Variants in LRRFIP1 observed in about 807,000 individuals in gnomAD.
LRRFIP1 encodes the protein LRR binding FLII interacting protein 1, also known as leucine-rich repeat flightless-interacting protein 1.
LRRFIP1 carries 62 observed loss-of-function variants against 104.4 expected under a neutral mutation model. The ratio of observed to expected loss-of-function variants is 0.59; its 90% CI spans 0.48 to 0.73. LRRFIP1 has a LOEUF of 0.73. Among genes scored for constraint, LRRFIP1 ranks in the 30% least tolerant of loss-of-function variants. The pLI is 0.00. For missense variants in LRRFIP1, 796 were observed against 824.5 expected (o/e 0.97, Z 0.42); for synonymous variants, 300 against 299.0 (o/e 1.00, Z -0.03).
At chr2:237,767,900 G>C (rs1189680115) in intron 19 of LRRFIP1, among the ~76,000 whole-genome samples, 3 of 152,214 alleles carry the variant, frequency 2.0e-5, no homozygotes, top group African/African-American at 7.2e-5. Flanking sequence ...ATTATGTTCA[G>C]AATATGTACT....
chr2:237,760,540 T>A (rs1030060745), intron 19 of LRRFIP1, among the ~76,000 whole-genome samples: 4 of 152,266 alleles, frequency 2.6e-5, no homozygotes, highest in Admixed American at 2.6e-4. Context: ...CTCAGACACA[T>A]ATATATCTGT....
chr2:237,765,860 T>C, intron 19 of LRRFIP1: 1 of 979,392 alleles, frequency 1.0e-6, no homozygotes, highest in Non-Finnish European at 1.2e-6. Context: ...CTCAATAAAA[T>C]TTGAGGAAAA....
chr2:237,745,094 C>T (rs56125005), intron 11 of LRRFIP1, among the ~76,000 whole-genome samples: 4,857 of 152,286 alleles, frequency 0.032, 93 homozygotes, highest in Middle Eastern at 0.12. Flanking sequence ...GATTCCTTAC[C>T]TGGCTCTGCT....
intron 1 of LRRFIP1, among the ~76,000 whole-genome samples, chr2:237,689,529 G>T (rs528916767): frequency 3.3e-5 from 5 of 152,162 alleles, no homozygotes; most frequent in Non-Finnish European, 5.9e-5. Flanking sequence ...TCATCAGCTC[G>T]CTGCTTCTTA....
intron 11 of LRRFIP1, among the ~76,000 whole-genome samples, chr2:237,741,350 T>C (rs2095409367): frequency 6.6e-6 from 1 of 152,250 alleles, no homozygotes; most frequent in South Asian, 2.1e-4. Context: ...TCAGTAAGCC[T>C]GGCCAGCCCC....
intron 1 of LRRFIP1, among the ~76,000 whole-genome samples, chr2:237,679,569 A>T (rs868632561): frequency 6.6e-6 from 1 of 152,242 alleles, no homozygotes; most frequent in African/African-American, 2.4e-5. Flanking sequence ...GATAGTTTGT[A>T]ATAACAGAAA....
At chr2:237,639,296 G>T (rs964790619) in intron 1 of LRRFIP1, among the ~76,000 whole-genome samples, 2 of 152,222 alleles carry the variant, frequency 1.3e-5, no homozygotes, top group Admixed American at 6.5e-5. Flanking sequence ...TGGGACTGAT[G>T]AAATGAACTC....
chr2:237,714,227 A>G, intron 2 of LRRFIP1, 32 bp from the exon 3 acceptor site: 1 of 1,533,236 alleles, frequency 6.5e-7, no homozygotes, highest in Non-Finnish European at 8.9e-7. Context: ...ATTGGATTTT[A>G]CATTTCTTTT....
intron 23 of LRRFIP1, among the ~76,000 whole-genome samples, chr2:237,779,078 T>C (rs1170581551): frequency 6.6e-6 from 1 of 151,814 alleles, no homozygotes; most frequent in Non-Finnish European, 1.5e-5. Context: ...AAAAATTAAC[T>C]GAGGGTGGTG....
chr2:237,663,541 G>T (rs1409358830), intron 1 of LRRFIP1, among the ~76,000 whole-genome samples: 1 of 152,218 alleles, frequency 6.6e-6, no homozygotes, highest in African/African-American at 2.4e-5. Flanking sequence ...TTGATCTTGG[G>T]CTTCACAGCC....
chr2:237,692,202 G>C (rs1056974762), intron 1 of LRRFIP1: 390 of 1,063,662 alleles, frequency 3.7e-4, no homozygotes, highest in Non-Finnish European at 4.3e-4. Flanking sequence ...CCGCTTCCCC[G>C]GCGCCCTTCC....
intron 1 of LRRFIP1, among the ~76,000 whole-genome samples, chr2:237,681,598 C>T (rs529490953): frequency 4.6e-5 from 7 of 151,588 alleles, no homozygotes; most frequent in South Asian, 4.2e-4. Context: ...AACTAGTGAC[C>T]GCAGGTGATC....
At chr2:237,667,352 C>T (rs908801825) in intron 1 of LRRFIP1, among the ~76,000 whole-genome samples, 2 of 152,128 alleles carry the variant, frequency 1.3e-5, no homozygotes, top group East Asian at 1.9e-4. Context: ...TTGTGGCTTC[C>T]GGCTTCATCC....
intron 1 of LRRFIP1, among the ~76,000 whole-genome samples, chr2:237,644,234 A>G (rs144406542): frequency 5.8e-4 from 88 of 152,372 alleles, no homozygotes; most frequent in African/African-American, 1.9e-3. Context: ...CGCACTCCCT[A>G]AAAAGGCAAT....
chr2:237,720,336 C>G (rs1401618980), intron 5 of LRRFIP1, among the ~76,000 whole-genome samples: 1 of 152,026 alleles, frequency 6.6e-6, no homozygotes, highest in African/African-American at 2.4e-5. Context: ...CAATGTCTGC[C>G]TCGTGGGTCC....
chr2:237,699,961 C>T (rs578038470), intron 1 of LRRFIP1, among the ~76,000 whole-genome samples: 9 of 152,192 alleles, frequency 5.9e-5, no homozygotes, highest in African/African-American at 1.9e-4. Flanking sequence ...CCCACATGAG[C>T]ATTTCTTTTG....
chr2:237,667,674 C>G (rs1449347879), intron 1 of LRRFIP1, among the ~76,000 whole-genome samples: 1 of 152,224 alleles, frequency 6.6e-6, no homozygotes, highest in Non-Finnish European at 1.5e-5. Context: ...CTCCCACCAA[C>G]AGTGTCAAAG....
Position 237,708,575 on chromosome 2 carries a change from C to A in LRRFIP1, c.128C>A (p.Ala43Asp). The A allele has an allele frequency of 6.3e-7, 1 of 1,594,400 alleles. No individual in the cohort carries two copies. The highest frequency in any genetic ancestry group is 8.6e-7 in the Non-Finnish European group (1 of 1,167,820). Residue 43 changes from alanine to aspartate, a missense_variant, in exon 2 of 24, where the codon GCC (alanine) becomes GAC (aspartate). Physicochemically the swap from Ala to Asp is moderately radical, Grantham distance 126. Transcript: ENST00000308482. ...AEARLAAKRA[A>D]RAEAREIRMK... ...GCCCGGCTCGCTGCAAAACGGGCGG[C>A]CCGCGCGGAGGCTCGCGAGATCCGC...
At chr2:237,741,943 T>C (rs774155053) in intron 11 of LRRFIP1, among the ~76,000 whole-genome samples, 2 of 152,242 alleles carry the variant, frequency 1.3e-5, no homozygotes, top group Non-Finnish European at 2.9e-5. Flanking sequence ...ATGCCCTCTG[T>C]ACCCTCTGCC....
Sources: gnomAD v4.1 joint callset for allele counts (sites outside exome capture counted in the v4.1 genomes callset) on GRCh38, gnomAD v4.1.1 for gene constraint, MANE v1.5 for transcripts, NCBI Gene and HGNC (gene_info 2026-07-23, HGNC 2026-07-21) for gene names.